The following MGAT4C variants were observed in gnomAD, a reference collection of about 807,000 sequenced individuals.
MGAT4C encodes alpha-1,3-mannosyl-glycoprotein 4-beta-N-acetylglucosaminyltransferase C.
Under a neutral mutation model 40.1 loss-of-function variants are expected in MGAT4C, and 19 were observed. The observed-to-expected ratio is 0.47, with a 90% confidence interval of 0.33 to 0.70. MGAT4C has a LOEUF of 0.70. MGAT4C is among the 30% of genes least tolerant of loss of function. The pLI, the probability that MGAT4C is intolerant of heterozygous loss-of-function variation, is 0.02. For synonymous variants in MGAT4C, 181 were observed against 187.1 expected (o/e 0.97, Z 0.27); for missense variants, 491 against 563.2 (o/e 0.87, Z 1.30).
intron 4 of MGAT4C, among the ~76,000 whole-genome samples, chr12:86,263,364 C>G (rs962352148): frequency 1.3e-5 from 2 of 152,094 alleles, no homozygotes; most frequent in African/African-American, 4.8e-5. Context: ...TATTATCTAT[C>G]ATTATACTCT....
chr12:86,666,918 T>A (rs1007026814), intron 2 of MGAT4C, among the ~76,000 whole-genome samples: 15 of 152,170 alleles, frequency 9.9e-5, no homozygotes, highest in Admixed American at 6.5e-4. Flanking sequence ...TTTATAGTAC[T>A]GAAGCCCAAT....
At chr12:86,482,879 C>A (rs1957959972) in intron 2 of MGAT4C, among the ~76,000 whole-genome samples, 1 of 152,130 alleles carries the variant, frequency 6.6e-6, no homozygotes, top group African/African-American at 2.4e-5. Flanking sequence ...TTGACCAGTT[C>A]TACTTGTTTA....
chr12:86,615,181 G>A (rs1003346881), intron 2 of MGAT4C, among the ~76,000 whole-genome samples: 2 of 151,872 alleles, frequency 1.3e-5, no homozygotes, highest in Admixed American at 6.6e-5. Flanking sequence ...CAATATACTA[G>A]GGCAATATAC....
At chr12:86,070,027 C>A (rs958780023) in intron 1 of MGAT4C, among the ~76,000 whole-genome samples, 3 of 151,948 alleles carry the variant, frequency 2.0e-5, no homozygotes, top group Non-Finnish European at 2.9e-5. Flanking sequence ...TCAGCAGCAG[C>A]CACATTGTCT....
intron 2 of MGAT4C, chr12:86,001,614 G>A: frequency 1.0e-6 from 1 of 982,828 alleles, no homozygotes. Flanking sequence ...GAGAGAGCCT[G>A]AGTACACTAT....
intron 2 of MGAT4C, among the ~76,000 whole-genome samples, chr12:86,583,797 C>T (rs995324338): frequency 6.6e-6 from 1 of 151,050 alleles, no homozygotes; most frequent in Non-Finnish European, 1.5e-5. Flanking sequence ...AACTGTCCTT[C>T]AGTGTGGGAA....
At chr12:86,665,204 T>A (rs1374207994) in intron 2 of MGAT4C, among the ~76,000 whole-genome samples, 2 of 152,066 alleles carry the variant, frequency 1.3e-5, no homozygotes, top group African/African-American at 4.8e-5. Context: ...GTAATCGACA[T>A]AGGGGATACA....
At chr12:86,786,301 C>A (rs545765324) in intron 1 of MGAT4C, among the ~76,000 whole-genome samples, 2 of 152,150 alleles carry the variant, frequency 1.3e-5, no homozygotes, top group East Asian at 3.9e-4. Flanking sequence ...TGCTAGAAAT[C>A]TGTTAGAAAT....
chr12:86,506,866 C>G (rs1958481262), intron 2 of MGAT4C, among the ~76,000 whole-genome samples: 2 of 152,074 alleles, frequency 1.3e-5, no homozygotes, highest in Non-Finnish European at 2.9e-5. Flanking sequence ...AGGGGTAAGG[C>G]TAAGGAAAAA....
chr12:86,316,409 A>G (rs549971918), intron 4 of MGAT4C, among the ~76,000 whole-genome samples: 4 of 152,348 alleles, frequency 2.6e-5, no homozygotes, highest in African/African-American at 9.6e-5. Flanking sequence ...AAAAGGAAAC[A>G]TGCATTCATA....
At chr12:86,729,159 G>A (rs995519880) in intron 1 of MGAT4C, among the ~76,000 whole-genome samples, 5 of 152,120 alleles carry the variant, frequency 3.3e-5, no homozygotes, top group Admixed American at 2.6e-4. Context: ...AGCACCACAG[G>A]GTAAGTATAG....
intron 1 of MGAT4C, among the ~76,000 whole-genome samples, chr12:86,812,803 T>C (rs1952502908): frequency 6.6e-6 from 1 of 152,126 alleles, no homozygotes; most frequent in East Asian, 1.9e-4. Context: ...TGCCAACCTT[T>C]ACTGGGCTAT....
intron 2 of MGAT4C, among the ~76,000 whole-genome samples, chr12:86,628,696 T>C (rs1027151274): frequency 2.0e-5 from 3 of 152,090 alleles, no homozygotes; most frequent in Non-Finnish European, 4.4e-5. Flanking sequence ...AAGCAAATGC[T>C]GAGAGGTTTT....
At chr12:86,753,630 G>T (rs1951257907) in intron 1 of MGAT4C, among the ~76,000 whole-genome samples, 1 of 151,596 alleles carries the variant, frequency 6.6e-6, no homozygotes, top group Admixed American at 6.6e-5. Flanking sequence ...ATCTGAAAAA[G>T]GACTTGTAAA....
intron 2 of MGAT4C, among the ~76,000 whole-genome samples, chr12:86,666,279 A>G (rs1273835853): frequency 6.6e-6 from 1 of 152,174 alleles, no homozygotes; most frequent in Non-Finnish European, 1.5e-5. Context: ...AGACTTTTCT[A>G]TAGCTCTAAG....
In MGAT4C at chr12:85,966,057, A is replaced by G. The variant is rs1479558044; in HGVS notation, c.*13232T>C. 6.6e-6 allele frequency: 1 copy of G among 152,156 alleles called. No individual in the cohort carries two copies. The highest frequency in any genetic ancestry group is 1.5e-5 in the Non-Finnish European group (1 of 68,014). The allele number at this position is 152,156 out of a possible 1,614,324, so 9.4% of individuals were successfully genotyped here. On this transcript the variant is annotated 3_prime_UTR_variant, in exon 5 of 5. Coordinates refer to ENST00000611864, the MANE Select transcript of MGAT4C (RefSeq NM_001351288.2). ...TCAGGCATTATTTTCCTATTATGAG[A>G]CATTTTATATTATGGTTATTTACTG...
chr12:86,375,154 G>GA (rs1473526141), intron 3 of MGAT4C, among the ~76,000 whole-genome samples: 1 of 151,942 alleles, frequency 6.6e-6, no homozygotes, highest in Non-Finnish European at 1.5e-5. Context: ...CTATTTAAGA[G>GA]AAAAAAACCC....
Position 86,337,686 on chromosome 12 carries a change from A to T in MGAT4C, c.-119-3559T>A, listed in dbSNP as rs114845899. 2.3e-3 allele frequency among the ~76,000 whole-genome samples: 352 copies of T among 152,096 alleles called. 1 individual carries two copies. The highest frequency in any genetic ancestry group is 7.9e-3 in the African/African-American group (326 of 41,512). On this transcript the variant is annotated intron_variant, in intron 3 of 7. Transcript: ENST00000548651. ...ATAGTAGAAGCTAAAACTTTGTTTG[A>T]GTAAATATTTGCAGATACATTAACT... is the stretch of plus-strand genomic sequence containing the variant.
At chr12:86,123,280 C>G (rs1445928935) in intron 1 of MGAT4C, among the ~76,000 whole-genome samples, 1 of 152,094 alleles carries the variant, frequency 6.6e-6, no homozygotes, top group Non-Finnish European at 1.5e-5. Context: ...AGAGATTTGA[C>G]AGTGTAAGTG....
Sources: allele counts gnomAD v4.1 joint callset (sites outside exome capture counted in the v4.1 genomes callset), GRCh38; gene constraint gnomAD v4.1.1; transcripts MANE v1.5; gene names NCBI Gene and HGNC (gene_info 2026-07-23, HGNC 2026-07-21).